Variants in HHAT observed in about 807,000 individuals in gnomAD.
The protein encoded by HHAT is protein-cysteine N-palmitoyltransferase HHAT.
In HHAT, 47 loss-of-function variants were observed where a neutral mutation model predicts 70.8. The observed-to-expected ratio is 0.66, with a 90% CI of 0.53 to 0.85. The LOEUF (loss-of-function observed/expected upper bound fraction) is 0.85, where lower values mean the gene tolerates loss of function less well. Ranked by LOEUF, HHAT falls within the 40% of genes least tolerant of loss-of-function variation. HHAT has a pLI of 0.00. For synonymous variants in HHAT, 228 were observed against 247.6 expected (o/e 0.92, Z 0.74); for missense variants, 609 against 604.8 (o/e 1.01, Z -0.07).
At chr1:210,348,852 G>A (rs1275894346) in intron 1 of HHAT, 81 bp from the exon 2 acceptor site, 2 of 1,380,444 alleles carry the variant, frequency 1.4e-6, no homozygotes, top group Non-Finnish European at 1.9e-6. Context: ...GTCTCCGGGA[G>A]TGTGAACTAA....
At chr1:210,659,733 C>T (rs540784675) in intron 11 of HHAT, among the ~76,000 whole-genome samples, 1 of 152,224 alleles carries the variant, frequency 6.6e-6, no homozygotes, top group Non-Finnish European at 1.5e-5. Context: ...ATCAAGTCAG[C>T]TTCATCTCTG....
intron 9 of HHAT, among the ~76,000 whole-genome samples, chr1:210,520,462 G>C (rs550732201): frequency 6.6e-6 from 1 of 151,692 alleles, no homozygotes; most frequent in East Asian, 1.9e-4. Flanking sequence ...TTTTCGCTCT[G>C]GTTTGGTGGT....
At chr1:210,582,933 G>C (rs1407307697) in intron 9 of HHAT, among the ~76,000 whole-genome samples, 6 of 152,164 alleles carry the variant, frequency 3.9e-5, no homozygotes, top group African/African-American at 1.4e-4. Context: ...TCCTAGAAAG[G>C]ACATTTTTCA....
At chr1:210,564,817 G>A (rs1654263907) in intron 9 of HHAT, among the ~76,000 whole-genome samples, 1 of 152,074 alleles carries the variant, frequency 6.6e-6, no homozygotes, top group African/African-American at 2.4e-5. Flanking sequence ...GAATGGGGAG[G>A]GGAGGGGAGG....
At chr1:210,428,041 T>C (rs2093121548) in intron 7 of HHAT, among the ~76,000 whole-genome samples, 2 of 151,972 alleles carry the variant, frequency 1.3e-5, no homozygotes, top group Non-Finnish European at 2.9e-5. Context: ...TTTACCATAA[T>C]GTAATGCCCT....
chr1:210,507,851 T>C (rs1290067045), intron 8 of HHAT, among the ~76,000 whole-genome samples: 2 of 151,832 alleles, frequency 1.3e-5, no homozygotes, highest in African/African-American at 2.4e-5. Flanking sequence ...GACAAAAAAT[T>C]TGAGGTGATG....
At chr1:210,604,012 G>A (rs1173570092) in intron 10 of HHAT, among the ~76,000 whole-genome samples, 1 of 152,106 alleles carries the variant, frequency 6.6e-6, no homozygotes, top group Non-Finnish European at 1.5e-5. Flanking sequence ...GGGAAGCAAG[G>A]GTATAATATA....
At chr1:210,512,764 C>T (rs559274615) in intron 8 of HHAT, among the ~76,000 whole-genome samples, 8 of 150,278 alleles carry the variant, frequency 5.3e-5, no homozygotes, top group African/African-American at 1.7e-4. Flanking sequence ...ATATTACAAA[C>T]GGACTCATAT....
chr1:210,359,754 C>A (rs962599127), intron 2 of HHAT, among the ~76,000 whole-genome samples: 8 of 152,114 alleles, frequency 5.3e-5, no homozygotes, highest in Non-Finnish European at 1.0e-4. Flanking sequence ...GTAATCCCAG[C>A]CACTTGAGAG....
At chr1:210,416,100 C>T (rs528695018) in intron 6 of HHAT, among the ~76,000 whole-genome samples, 10 of 152,126 alleles carry the variant, frequency 6.6e-5, no homozygotes, top group Admixed American at 1.3e-4. Context: ...CTTCTTGTTG[C>T]GGGAGGACAG....
intron 7 of HHAT, 55 bp downstream of exon 7, chr1:210,418,380 A>G: frequency 6.8e-7 from 1 of 1,481,410 alleles, no homozygotes. Context: ...AACAGTTAGC[A>G]TCAGAATGGA....
At chr1:210,535,281 G>A (rs375326212) in intron 9 of HHAT, among the ~76,000 whole-genome samples, 6 of 152,090 alleles carry the variant, frequency 3.9e-5, no homozygotes, top group East Asian at 1.9e-4. Flanking sequence ...CAGTGACTAC[G>A]TAACAGGGTT....
Position 210,674,587 on chromosome 1 carries a change from A to C in HHAT, c.*208A>C. On this transcript the variant is annotated 3_prime_UTR_variant, in exon 12 of 12. Transcript: ENST00000261458. ...GGAGTCTTTGAGATCTTCTACCCCA[A>C]CTCATCATTTTCCTATTGAGGAAAC... 3.7e-6 allele frequency: 2 copies of C among 534,578 alleles called. No individual in the cohort carries two copies. Among genetic ancestry groups the C allele is most frequent in the East Asian group, 3.1e-5 (1 of 32,712 alleles). 33.1% of individuals were successfully genotyped at this position (534,578 alleles called of 1,614,324 possible). A position where few individuals can be genotyped will look rare whatever the true frequency, so the allele number is the denominator to read the frequency against.
chr1:210,579,213 A>AT (rs1658620088), intron 9 of HHAT, among the ~76,000 whole-genome samples: 1 of 152,170 alleles, frequency 6.6e-6, no homozygotes, highest in African/African-American at 2.4e-5. Context: ...AGGTGATGAA[A>AT]TTATCTGTAT....
chr1:210,574,550 T>G (rs1470456116), intron 9 of HHAT, among the ~76,000 whole-genome samples: 3 of 152,256 alleles, frequency 2.0e-5, no homozygotes, highest in Non-Finnish European at 4.4e-5. Context: ...AACAAAGAAC[T>G]TGCCTTTTCT....
chr1:210,549,599 A>G (rs2095511842), intron 9 of HHAT, among the ~76,000 whole-genome samples: 2 of 148,942 alleles, frequency 1.3e-5, no homozygotes, highest in South Asian at 4.3e-4. Context: ...TAGGTTCACC[A>G]TTTACTTGGA....
intron 9 of HHAT, among the ~76,000 whole-genome samples, chr1:210,572,594 C>T (rs1227788581): frequency 3.3e-5 from 5 of 152,088 alleles, no homozygotes; most frequent in Admixed American, 6.5e-5. Flanking sequence ...CTCAGGCTTC[C>T]TACAAGTAAC....
chr1:210,483,951 A>G (rs1265303675), intron 8 of HHAT, among the ~76,000 whole-genome samples: 1 of 152,230 alleles, frequency 6.6e-6, no homozygotes, highest in Non-Finnish European at 1.5e-5. Context: ...AAAAAATACT[A>G]GTTAAGAAGC....
intron 1 of HHAT, among the ~76,000 whole-genome samples, chr1:210,342,356 C>G (rs2086113132): frequency 6.6e-6 from 1 of 152,218 alleles, no homozygotes; most frequent in African/African-American, 2.4e-5. Context: ...TCTCCCTTCC[C>G]TGAACCATCC....
Sources: allele counts gnomAD v4.1 joint callset (sites outside exome capture counted in the v4.1 genomes callset), GRCh38; gene constraint gnomAD v4.1.1; transcripts MANE v1.5; gene names NCBI Gene and HGNC (gene_info 2026-07-23, HGNC 2026-07-21).